DNAJC15: variants seen among roughly 807,000 people sequenced by gnomAD.
DNAJC15 encodes the protein DnaJ heat shock protein family (Hsp40) member C15, also known as dnaJ homolog subfamily C member 15.
A neutral mutation model predicts 22.4 loss-of-function variants in DNAJC15; 27 were observed. The ratio of observed to expected loss-of-function variants is 1.20; its 90% CI spans 0.89 to 1.66. DNAJC15 has a LOEUF of 1.66. DNAJC15 is among the 40% of genes most tolerant of loss of function. The probability of loss-of-function intolerance (pLI) is 0.00; values close to 1 mark genes in which losing one functional copy is unlikely to be tolerated. For missense variants in DNAJC15, 208 were observed against 187.1 expected, an observed-to-expected ratio of 1.11 and a Z score of -0.65; for synonymous variants, 79 against 63.2, an observed-to-expected ratio of 1.25 and a Z score of -1.19.
chr13:43,035,189 T>A (rs1448713172), intron 1 of DNAJC15, among the ~76,000 whole-genome samples: 1 of 152,144 alleles, frequency 6.6e-6, no homozygotes, highest in Non-Finnish European at 1.5e-5. Context: ...TTATTTTTGT[T>A]TTTCAATATC....
intron 1 of DNAJC15, among the ~76,000 whole-genome samples, chr13:43,032,676 TTA>T (rs2040408971): frequency 6.6e-6 from 1 of 151,922 alleles, no homozygotes; most frequent in African/African-American, 2.4e-5. Context: ...AATACAAAAA[TTA>T]GCTGGGTGTG....
Position 43,078,634 on chromosome 13 carries a change from G to A in DNAJC15, c.257G>A (p.Gly86Glu), listed in dbSNP as rs1438053630. The A allele has an allele frequency of 1.2e-6, 2 of 1,613,354 alleles. No homozygotes were observed. Among genetic ancestry groups the A allele is most frequent in the Non-Finnish European group, 8.5e-7 (1 of 1,179,522 alleles). Residue 86 changes from glycine to glutamate, a missense_variant, in exon 4 of 6, where the codon GGA becomes GAA. Coordinates refer to ENST00000379221, the MANE Select transcript of DNAJC15 (RefSeq NM_013238.3). ...CAGAGCTTTTCATCCTACTATAAAG[G>A]AGGATTTGAACAGAAAATGAGTAGG... ...STPSFSSYYKGGFEQKMSRRE... is the reference protein window; with the variant it reads ...STPSFSSYYKEGFEQKMSRRE...
intron 1 of DNAJC15, among the ~76,000 whole-genome samples, chr13:43,024,026 A>G (rs2040365907): frequency 6.6e-6 from 1 of 152,192 alleles, no homozygotes; most frequent in Admixed American, 6.5e-5. Flanking sequence ...CTGTATGTGG[A>G]TTTTCCTATC....
At chr13:43,061,786 C>T (rs1210876389) in intron 1 of DNAJC15, among the ~76,000 whole-genome samples, 1 of 152,252 alleles carries the variant, frequency 6.6e-6, no homozygotes, top group Non-Finnish European at 1.5e-5. Flanking sequence ...TACGCAGCTC[C>T]TGCCAAGCCC....
intron 1 of DNAJC15, among the ~76,000 whole-genome samples, chr13:43,057,360 A>G (rs1367276582): frequency 6.6e-6 from 1 of 152,038 alleles, no homozygotes; most frequent in South Asian, 2.1e-4. Context: ...TCTTTGAGCT[A>G]TGAAGTTCTT....
At chr13:43,096,124 T>G (rs1303211609) in intron 5 of DNAJC15, among the ~76,000 whole-genome samples, 1 of 152,164 alleles carries the variant, frequency 6.6e-6, no homozygotes, top group Non-Finnish European at 1.5e-5. Flanking sequence ...GATTAAATTT[T>G]GGGGGAAATA....
rs899690818 is a variant in DNAJC15 at position 43,111,675 on chromosome 13, A to G, written c.*4427A>G. On this transcript the variant is annotated 3_prime_UTR_variant, in exon 6 of 6. Coordinates refer to ENST00000379221, the MANE Select transcript of DNAJC15 (RefSeq NM_013238.3). ...AGTGAAAAGTTAAATATCCAAGTACACCAGCCAATTTCACACAGTGGAACC... is the reference window on the plus strand; with the variant it reads ...AGTGAAAAGTTAAATATCCAAGTACGCCAGCCAATTTCACACAGTGGAACC... 2.0e-5 allele frequency: 3 copies of G among 152,120 alleles called. No homozygotes were observed. Among genetic ancestry groups the G allele is most frequent in the Non-Finnish European group, 2.9e-5 (2 of 68,038 alleles). The allele number at this position is 152,120 out of a possible 1,614,324, so 9.4% of individuals were successfully genotyped here.
intron 5 of DNAJC15, among the ~76,000 whole-genome samples, chr13:43,096,686 CCA>C (rs2040741346): frequency 1.3e-5 from 2 of 152,150 alleles, no homozygotes; most frequent in South Asian, 4.1e-4. Flanking sequence ...TTAAAAATGG[CCA>C]CAGATTCTTC....
At chr13:43,096,896 C>T (rs2040742300) in intron 5 of DNAJC15, among the ~76,000 whole-genome samples, 1 of 152,228 alleles carries the variant, frequency 6.6e-6, no homozygotes, top group African/African-American at 2.4e-5. Context: ...AAGCTCTCCT[C>T]CTGACGGAAG....
At chr13:43,070,107 AAAAATG>A (rs1280918097) in intron 3 of DNAJC15, among the ~76,000 whole-genome samples, 1 of 152,208 alleles carries the variant, frequency 6.6e-6, no homozygotes, top group Non-Finnish European at 1.5e-5. Context: ...ATAGGTCACA[AAAAATG>A]AATTGCTTCT....
chr13:43,031,534 T>C (rs2040403869), intron 1 of DNAJC15, among the ~76,000 whole-genome samples: 1 of 152,178 alleles, frequency 6.6e-6, no homozygotes, highest in African/African-American at 2.4e-5. Context: ...GGCAGTACTT[T>C]GGGAGTGTAG....
At chr13:43,046,416 TG>T (rs1593313148) in intron 1 of DNAJC15, among the ~76,000 whole-genome samples, 1 of 152,194 alleles carries the variant, frequency 6.6e-6, no homozygotes, top group East Asian at 1.9e-4. Flanking sequence ...CAGGACTAGT[TG>T]GACTTCCTAG....
At chr13:43,033,114 A>G (rs570869332) in intron 1 of DNAJC15, among the ~76,000 whole-genome samples, 99 of 152,300 alleles carry the variant, frequency 6.5e-4, no homozygotes, top group Admixed American at 2.2e-3. Context: ...TAAACCACCC[A>G]TGAGAAATTG....
At chr13:43,025,634 G>T (rs953081685) in intron 1 of DNAJC15, among the ~76,000 whole-genome samples, 1 of 152,230 alleles carries the variant, frequency 6.6e-6, no homozygotes, top group Non-Finnish European at 1.5e-5. Context: ...GCTGCGAGCG[G>T]TGTCTCGCTC....
Position 43,068,987 on chromosome 13 carries a change from AG to A in DNAJC15, c.219del (p.Lys74ArgfsTer19). On this transcript the variant is annotated frameshift_variant, in exon 3 of 6. Coordinates refer to ENST00000379221, the MANE Select transcript of DNAJC15 (RefSeq NM_013238.3). LOFTEE classifies it high-confidence loss of function. ...GAACAAGTTATCACAGAAACTGCAA[AG>A]AAGATTTCAACTCCTGTAAGTTAAA... ...PLEQVITETA[K>X]KISTPSFSSY... 1 of 1,612,856 alleles carries A rather than the reference AG, an allele frequency of 6.2e-7. No homozygotes were observed. Among genetic ancestry groups the A allele is most frequent in the Non-Finnish European group, 8.5e-7 (1 of 1,179,350 alleles).
chr13:43,094,043 A>C (rs1036473298), intron 5 of DNAJC15, among the ~76,000 whole-genome samples: 1 of 152,234 alleles, frequency 6.6e-6, no homozygotes, highest in Admixed American at 6.5e-5. Context: ...CTTTTCAAAT[A>C]ATTGCAGATA....
intron 1 of DNAJC15, among the ~76,000 whole-genome samples, chr13:43,050,175 C>T (rs146437652): frequency 0.025 from 3,816 of 152,268 alleles, 70 homozygotes; most frequent in Middle Eastern, 0.044. Flanking sequence ...CTGCCTCAGC[C>T]TCCCAAAGTG....
At chr13:43,047,863 A>G (rs765539738) in intron 1 of DNAJC15, among the ~76,000 whole-genome samples, 1 of 152,218 alleles carries the variant, frequency 6.6e-6, no homozygotes, top group South Asian at 2.1e-4. Flanking sequence ...GATGAGGAAG[A>G]TGATGGTACA....
chr13:43,081,915 A>G (rs1366808904), intron 4 of DNAJC15, among the ~76,000 whole-genome samples: 1 of 152,144 alleles, frequency 6.6e-6, no homozygotes, highest in African/African-American at 2.4e-5. Context: ...GCAGAAGGCA[A>G]AGGAGGAGCA....
Sources: allele counts gnomAD v4.1 joint callset (sites outside exome capture counted in the v4.1 genomes callset), GRCh38; gene constraint gnomAD v4.1.1; transcripts MANE v1.5; gene names NCBI Gene and HGNC (gene_info 2026-07-23, HGNC 2026-07-21).